PFKL: variants seen among roughly 807,000 people sequenced by gnomAD.
The protein encoded by PFKL is phosphofructokinase, liver type.
Under a neutral mutation model 92.1 loss-of-function variants are expected in PFKL, and 74 were observed. That is an observed-to-expected ratio of 0.80 (90% confidence interval 0.67 to 0.97). The LOEUF (loss-of-function observed/expected upper bound fraction) is 0.97, where lower values mean the gene tolerates loss of function less well. Ranked by LOEUF, PFKL falls within the 50% of genes least tolerant of loss-of-function variation. PFKL has a pLI of 0.00. For missense variants in PFKL, 1,028 were observed against 1,116.6 expected (o/e 0.92, Z 1.13); for synonymous variants, 494 against 456.4 (o/e 1.08, Z -1.05).
intron 7 of PFKL, chr21:44,315,396 C>A: frequency 6.6e-6 from 1 of 152,572 alleles, no homozygotes. Flanking sequence ...TGGCACAGCT[C>A]TCCTGCTGGA....
chr21:44,300,534 C>T (rs1421503619), intron 1 of PFKL, among the ~76,000 whole-genome samples: 1 of 152,238 alleles, frequency 6.6e-6, no homozygotes, highest in African/African-American at 2.4e-5. Context: ...ACCCCCAGAG[C>T]CTGGCCCTTC....
intron 1 of PFKL, chr21:44,305,700 T>G: frequency 2.5e-6 from 3 of 1,189,426 alleles, no homozygotes; most frequent in Non-Finnish European, 2.2e-6. Flanking sequence ...TATGAAGTCA[T>G]GGATATCTTT....
intron 2 of PFKL, 51 bp downstream of exon 2, chr21:44,306,805 C>A: frequency 6.6e-7 from 1 of 1,518,288 alleles, no homozygotes; most frequent in Non-Finnish European, 9.1e-7. Context: ...CCTCCTGAGG[C>A]GCATGCCGAG....
At chr21:44,312,700 G>T (rs1256005248) in intron 4 of PFKL, among the ~76,000 whole-genome samples, 1 of 152,242 alleles carries the variant, frequency 6.6e-6, no homozygotes, top group Admixed American at 6.5e-5. Flanking sequence ...GCCTCTCGGA[G>T]CCATGTCTGT....
chr21:44,319,138 G>A (rs2047290320), intron 10 of PFKL, among the ~76,000 whole-genome samples: 1 of 152,160 alleles, frequency 6.6e-6, no homozygotes, highest in African/African-American at 2.4e-5. Context: ...GAGGAGGGCA[G>A]CTGGGGGCAG....
intron 16 of PFKL, 142 bp from the exon 17 acceptor site, chr21:44,324,349 A>G: frequency 1.2e-6 from 1 of 838,072 alleles, no homozygotes; most frequent in East Asian, 2.7e-5. Context: ...AGGTGGGCCC[A>G]AGCCTGGTGC....
chr21:44,305,157 C>A, intron 1 of PFKL: 2 of 1,050,030 alleles, frequency 1.9e-6, no homozygotes, highest in Non-Finnish European at 2.5e-6. Context: ...GTCCCTCACC[C>A]TCCCTCTGGG....
In PFKL at chr21:44,306,009, C is replaced by T. The variant is rs769449470; in HGVS notation, c.86-672C>T. On this transcript the variant is annotated intron_variant, in intron 1 of 21. Transcript: ENST00000349048. ...GCTGAGGCCGGAGGGGCTCTGTTCT[C>T]AGTCCCCCATCTCATTGCGGAGGAA... The T allele has an allele frequency of 2.0e-5, 24 of 1,214,584 alleles. No homozygotes were observed. In the South Asian group the frequency reaches 2.8e-4, roughly 14 times the overall value. The allele number at this position is 1,214,584 out of a possible 1,614,324, so 75.2% of individuals were successfully genotyped here. A position where few individuals can be genotyped will look rare whatever the true frequency, so the allele number is the denominator to read the frequency against.
chr21:44,311,155 C>T (rs753840306), intron 3 of PFKL, 72 bp downstream of exon 3: 7 of 1,100,820 alleles, frequency 6.4e-6, no homozygotes, highest in African/African-American at 2.2e-5. Context: ...GACCTGCACA[C>T]ACAGACACAC....
rs545545009 is a variant in PFKL at position 44,307,401 on chromosome 21, G to A, written c.159+647G>A. 5.5e-5 allele frequency: 34 copies of A among 619,796 alleles called. No individual in the cohort carries two copies. In the African/African-American group the frequency reaches 5.6e-4, roughly 10 times the overall value. The allele number at this position is 619,796 out of a possible 1,614,324, so 38.4% of individuals were successfully genotyped here. On this transcript the variant is annotated intron_variant, in intron 2 of 21. Transcript: ENST00000349048. ...CATTCACACACTTGGGCCACACCAC[G>A]CACTCACAGGCTGCATTCTTGCCTT...
intron 11 of PFKL, 48 bp downstream of exon 11, chr21:44,319,463 G>GT: frequency 6.7e-7 from 1 of 1,499,026 alleles, no homozygotes; most frequent in Non-Finnish European, 9.3e-7. Context: ...CTGGGTCCCG[G>GT]TGCCAGGCAG....
chr21:44,316,358 G>A lies in PFKL; in HGVS notation c.843+19G>A, dbSNP rs1381182129. The A allele has an allele frequency of 1.9e-6, 3 of 1,612,114 alleles. No individual in the cohort carries two copies. The African/African-American group carries it at 4.0e-5, about 22-fold the overall frequency. On this transcript the variant is annotated intron_variant, in intron 8 of 21. Coordinates refer to ENST00000349048, the MANE Select transcript of PFKL (RefSeq NM_002626.6). ...GAAGGACGTGCGTGTGGGCCTGGGG[G>A]TGGCCACTGGGCACCTGCTCCTCTA...
intron 7 of PFKL, chr21:44,315,423 C>G (rs73372440): frequency 0.014 from 2,165 of 152,574 alleles, 55 homozygotes; most frequent in African/African-American, 0.049. Flanking sequence ...GCCCATCTTC[C>G]GGGTGTCTGA....
intron 14 of PFKL, 61 bp downstream of exon 14, chr21:44,322,264 G>A: frequency 6.8e-7 from 1 of 1,477,344 alleles, no homozygotes. Context: ...TCCAGGCCCT[G>A]CAGGTGGGGG....
intron 11 of PFKL, chr21:44,319,748 C>G (rs1228747249): frequency 1.9e-6 from 1 of 521,004 alleles, no homozygotes; most frequent in Non-Finnish European, 3.4e-6. Context: ...GGTACCACCC[C>G]CCTGCAGGCG....
At chr21:44,301,541 C>T (rs898884497) in intron 1 of PFKL, among the ~76,000 whole-genome samples, 1 of 152,222 alleles carries the variant, frequency 6.6e-6, no homozygotes, top group Non-Finnish European at 1.5e-5. Flanking sequence ...CGGTGGCTCA[C>T]ACCTGTAATT....
At chr21:44,300,297 C>A in intron 1 of PFKL, 107 bp downstream of exon 1, 1 of 372,796 alleles carries the variant, frequency 2.7e-6, no homozygotes, top group Non-Finnish European at 3.7e-6. Context: ...TCGGGCCGGC[C>A]CGGCCTCCCG....
In PFKL at chr21:44,313,984, A is replaced by T. The variant is rs1057037; in HGVS notation, c.710A>T (p.Asp237Val). 0.079 allele frequency: 126,649 copies of T among 1,607,110 alleles called. 5,377 individuals are homozygous for T. The highest frequency in any genetic ancestry group is 0.11 in the African/African-American group (8,119 of 74,942). Reference sequence around the variant, plus strand: ...TTCATCCCCGAGGCTCCACCCGAGGACGGCTGGGAGAACTTCATGTGTGAG... The same window carrying T: ...TTCATCCCCGAGGCTCCACCCGAGGTCGGCTGGGAGAACTTCATGTGTGAG... ...WLFIPEAPPE[D>V]GWENFMCERL... Residue 237 changes from aspartate (D) to valine (V), a missense_variant, in exon 7 of 22, where the codon GAC becomes GTC. Physicochemically the swap from Asp to Val is radical, Grantham distance 152. Transcript: ENST00000349048.
intron 4 of PFKL, 144 bp downstream of exon 4, chr21:44,312,438 G>T (rs539650670): frequency 1.3e-6 from 1 of 744,816 alleles, no homozygotes; most frequent in African/African-American, 1.8e-5. Flanking sequence ...GGCCGGGGAG[G>T]AGTAGTGTCT....
Sources: gnomAD v4.1 joint callset for allele counts (sites outside exome capture counted in the v4.1 genomes callset) on GRCh38, gnomAD v4.1.1 for gene constraint, MANE v1.5 for transcripts, NCBI Gene and HGNC (gene_info 2026-07-23, HGNC 2026-07-21) for gene names.